FAXDC2: variants seen among roughly 807,000 people sequenced by gnomAD.
The protein encoded by FAXDC2 is fatty acid hydroxylase domain containing 2, also known as fatty acid hydroxylase domain-containing protein 2.
A neutral mutation model predicts 40.9 loss-of-function variants in FAXDC2; 41 were observed. That is an observed-to-expected ratio of 1.00 (90% CI 0.78 to 1.30). The LOEUF (loss-of-function observed/expected upper bound fraction) is 1.30, where lower values mean the gene tolerates loss of function less well. Among genes scored for constraint, FAXDC2 ranks in the 50% most tolerant of loss-of-function variants. The pLI, the probability that FAXDC2 is intolerant of heterozygous loss-of-function variation, is 0.00. For synonymous variants in FAXDC2, 157 were observed against 149.3 expected, an observed-to-expected ratio of 1.05 and a Z score of -0.38; for missense variants, 390 against 408.8, an observed-to-expected ratio of 0.95 and a Z score of 0.40.
At chr5:154,841,311 C>T (rs1760470443) in intron 1 of FAXDC2, among the ~76,000 whole-genome samples, 1 of 152,108 alleles carries the variant, frequency 6.6e-6, no homozygotes, top group African/African-American at 2.4e-5. Context: ...CTAGGAAAAC[C>T]AGAAAAAGAG....
At chr5:154,833,237 A>G (rs1760237347) in intron 4 of FAXDC2, among the ~76,000 whole-genome samples, 1 of 150,982 alleles carries the variant, frequency 6.6e-6, no homozygotes, top group African/African-American at 2.4e-5. Context: ...AGGTTTCACT[A>G]TGTTGGCCAG....
At chr5:154,823,708 AG>A in intron 5 of FAXDC2, 116 bp from the exon 6 acceptor site, 1 of 794,396 alleles carries the variant, frequency 1.3e-6, no homozygotes, top group South Asian at 1.7e-5. Flanking sequence ...GTCGGGGGAC[AG>A]CCAGTAGCTC....
intron 1 of FAXDC2, among the ~76,000 whole-genome samples, chr5:154,846,737 G>A (rs1042942007): frequency 6.6e-6 from 1 of 151,786 alleles, no homozygotes; most frequent in Non-Finnish European, 1.5e-5. Flanking sequence ...AAGTGAATTT[G>A]ATATTCTATT....
At chr5:154,850,191 C>T (rs1760695271) in intron 1 of FAXDC2, among the ~76,000 whole-genome samples, 1 of 152,206 alleles carries the variant, frequency 6.6e-6, no homozygotes. Context: ...ATTACAATCA[C>T]CTGTCAATTG....
chr5:154,843,531 A>G (rs1760529871), intron 1 of FAXDC2, among the ~76,000 whole-genome samples: 1 of 152,258 alleles, frequency 6.6e-6, no homozygotes, highest in African/African-American at 2.4e-5. Context: ...CTAGACAGGT[A>G]GGAGATCTGG....
intron 1 of FAXDC2, among the ~76,000 whole-genome samples, chr5:154,841,032 A>G (rs906440256): frequency 7.0e-5 from 9 of 128,774 alleles, no homozygotes; most frequent in Non-Finnish European, 1.4e-4. Context: ...AGAGCCTCTC[A>G]GGGAGAAATA....
chr5:154,822,477 G>A lies in FAXDC2; in HGVS notation c.673C>T (p.His225Tyr), dbSNP rs1269243369. ...GAGCATAGAGCTCTACTCACTGCATGCTCTATAGGGTGGGCATAGAGAGAG... is the reference window on the plus strand; with the variant it reads ...GAGCATAGAGCTCTACTCACTGCATACTCTATAGGGTGGGCATAGAGAGAG... ...VISLYAHPIE[H>Y]AVSNMLPVIV... The change falls in exon 7 of 9, where the codon CAT (histidine) becomes TAT (tyrosine). Residue 225 changes from histidine (H) to tyrosine (Y), a missense_variant. Transcript: ENST00000326080. 1 of 1,607,978 alleles carries A rather than the reference G, an allele frequency of 6.2e-7. No homozygotes were observed. The highest frequency in any genetic ancestry group is 8.5e-7 in the Non-Finnish European group (1 of 1,174,722).
chr5:154,840,203 C>T (rs1242572366), intron 1 of FAXDC2, among the ~76,000 whole-genome samples: 1 of 152,134 alleles, frequency 6.6e-6, no homozygotes, highest in East Asian at 1.9e-4. Flanking sequence ...TGCATGTTTA[C>T]CAGCTATGAC....
At chr5:154,832,471 G>A (rs1027574083) in intron 4 of FAXDC2, among the ~76,000 whole-genome samples, 18 of 152,072 alleles carry the variant, frequency 1.2e-4, no homozygotes, top group Admixed American at 9.2e-4. Context: ...AAAGTGCTGG[G>A]ATTACAGGCG....
chr5:154,830,983 C>T (rs1365816623), intron 4 of FAXDC2, 61 bp from the exon 5 acceptor site: 2 of 1,592,408 alleles, frequency 1.3e-6, no homozygotes, highest in East Asian at 2.3e-5. Flanking sequence ...CATAGACTAA[C>T]AGAACATACT....
At chr5:154,843,741 A>G (rs1369519297) in intron 1 of FAXDC2, among the ~76,000 whole-genome samples, 1 of 152,258 alleles carries the variant, frequency 6.6e-6, no homozygotes, top group African/African-American at 2.4e-5. Flanking sequence ...CATGAATACC[A>G]AAATAGCCAT....
At chr5:154,834,970 G>A (rs777026542) in intron 2 of FAXDC2, 36 bp from the exon 3 acceptor site, 4 of 1,363,116 alleles carry the variant, frequency 2.9e-6, no homozygotes, top group South Asian at 2.5e-5. Flanking sequence ...ACCCCAGCAA[G>A]CCTCCTGCCT....
intron 7 of FAXDC2, 113 bp from the exon 8 acceptor site, chr5:154,821,539 G>A: frequency 1.4e-6 from 1 of 722,830 alleles, no homozygotes; most frequent in Non-Finnish European, 2.2e-6. Context: ...CCCAGATCTG[G>A]AGAAGGTGAG....
Position 154,818,768 on chromosome 5 carries a change from C to G in FAXDC2, c.*1548G>C, listed in dbSNP as rs1302150564. 2 of 152,240 alleles carry G rather than the reference C, an allele frequency of 1.3e-5. No individual in the cohort carries two copies. The highest frequency in any genetic ancestry group is 4.8e-5 in the African/African-American group (2 of 41,462). The allele number at this position is 152,240 out of a possible 1,614,324, so 9.4% of individuals were successfully genotyped here. ...TCTGTTCTTTCTCCTTATCTCCTAC[C>G]CTTCTCTTTAAGCATATTGAAGATG... On this transcript the variant is annotated 3_prime_UTR_variant, in exon 9 of 9. Transcript: ENST00000326080.
intron 1 of FAXDC2, among the ~76,000 whole-genome samples, chr5:154,843,013 C>T (rs557576026): frequency 6.6e-6 from 1 of 152,272 alleles, no homozygotes; most frequent in East Asian, 1.9e-4. Flanking sequence ...AAAGAAACAC[C>T]TCAACTTGGG....
Position 154,822,537 on chromosome 5 carries a change from T to A in FAXDC2, c.613A>T (p.Lys205Ter). ...HPTFYKKIHK[K>*]HHEWTAPIGV... ...ATGGGAGCTGTCCACTCATGGTGTT[T>A]CTTGTGGATTTTCTTGTAGAATGTT... Residue 205 changes from lysine to a stop codon, truncating the protein, a stop_gained, in exon 7 of 9, where the codon AAA (lysine) becomes TAA (stop). Transcript: ENST00000326080. LOFTEE classifies it high-confidence loss of function. 6.2e-7 allele frequency: 1 copy of A among 1,614,190 alleles called. No individual in the cohort carries two copies. Among genetic ancestry groups the A allele is most frequent in the Non-Finnish European group, 8.5e-7 (1 of 1,180,024 alleles).
intron 5 of FAXDC2, among the ~76,000 whole-genome samples, chr5:154,828,999 A>C (rs1334949266): frequency 6.7e-6 from 1 of 148,710 alleles, no homozygotes; most frequent in East Asian, 2.0e-4. Flanking sequence ...GGCTCACTGT[A>C]ACCTCTGCCT....
At chr5:154,839,647 A>G (rs1760434291) in intron 1 of FAXDC2, among the ~76,000 whole-genome samples, 1 of 152,140 alleles carries the variant, frequency 6.6e-6, no homozygotes, top group Non-Finnish European at 1.5e-5. Context: ...CCTTGTCTCA[A>G]AAAAAGAAAG....
chr5:154,824,931 T>A (rs535707158), intron 5 of FAXDC2, among the ~76,000 whole-genome samples: 4 of 151,872 alleles, frequency 2.6e-5, no homozygotes, highest in Admixed American at 2.0e-4. Context: ...TAATTTTTTT[T>A]AAAAAGCTGG....
Sources: gnomAD v4.1 joint callset for allele counts (sites outside exome capture counted in the v4.1 genomes callset) on GRCh38, gnomAD v4.1.1 for gene constraint, MANE v1.5 for transcripts, NCBI Gene and HGNC (gene_info 2026-07-23, HGNC 2026-07-21) for gene names.